The following VPS53 variants were observed in gnomAD, a reference collection of about 807,000 sequenced individuals.
VPS53 encodes vacuolar protein sorting-associated protein 53 homolog.
VPS53 carries 70 observed loss-of-function variants against 107.0 expected under a neutral mutation model. The observed-to-expected ratio is 0.65, with a 90% confidence interval of 0.54 to 0.80. VPS53 has a LOEUF of 0.80. Among genes scored for constraint, VPS53 ranks in the 30% least tolerant of loss-of-function variants. The pLI is 0.00. For synonymous variants in VPS53, 409 were observed against 393.3 expected (o/e 1.04, Z -0.47); for missense variants, 917 against 1,049.4 (o/e 0.87, Z 1.74).
intron 10 of VPS53, among the ~76,000 whole-genome samples, chr17:625,989 T>G (rs1969691920): frequency 6.6e-6 from 1 of 151,894 alleles, no homozygotes; most frequent in Non-Finnish European, 1.5e-5. Context: ...AAATAAAGAA[T>G]AAAAGGAGTT....
intron 17 of VPS53, among the ~76,000 whole-genome samples, chr17:544,136 G>A (rs1315092474): frequency 6.6e-6 from 1 of 152,108 alleles, no homozygotes; most frequent in Non-Finnish European, 1.5e-5. Context: ...TGGGTTGGCT[G>A]TTCAACACAT....
intron 4 of VPS53, among the ~76,000 whole-genome samples, chr17:669,059 A>C (rs1161547877): frequency 6.6e-6 from 1 of 152,174 alleles, no homozygotes; most frequent in African/African-American, 2.4e-5. Context: ...AGAGTTTAAA[A>C]ACTCCTCTGA....
intron 15 of VPS53, 150 bp downstream of exon 15, chr17:560,276 T>C: frequency 1.9e-6 from 2 of 1,056,630 alleles, no homozygotes; most frequent in Non-Finnish European, 1.3e-6. Context: ...GCCTTATGGC[T>C]GGACACTGAG....
chr17:713,948 G>C (rs1462550155), intron 1 of VPS53, among the ~76,000 whole-genome samples: 5 of 149,192 alleles, frequency 3.4e-5, no homozygotes, highest in Non-Finnish European at 7.4e-5. Flanking sequence ...AGGAGGCTGA[G>C]ACAGGAGAAT....
At position 623,809 on chromosome 17, in the gene VPS53, C is replaced by T; in HGVS notation, c.975-135G>A. The T allele has an allele frequency of 3.2e-6, 3 of 938,430 alleles. No homozygotes were observed. The South Asian group carries it at 7.6e-5, about 24-fold the overall frequency. 58.1% of individuals were successfully genotyped at this position (938,430 alleles called of 1,614,324 possible). A position where few individuals can be genotyped will look rare whatever the true frequency, so the allele number is the denominator to read the frequency against. Reference sequence around the variant, plus strand: ...TTTCAAACCCTGAGGTCTGTTACCACCTTAGTCTAAAACCTGGGGAATAGA... The same window carrying T: ...TTTCAAACCCTGAGGTCTGTTACCATCTTAGTCTAAAACCTGGGGAATAGA... On this transcript the variant is annotated intron_variant, in intron 10 of 21. Coordinates refer to ENST00000437048, the MANE Select transcript of VPS53 (RefSeq NM_001128159.3).
chr17:696,887 G>A (rs1233943169), intron 4 of VPS53, among the ~76,000 whole-genome samples: 1 of 150,250 alleles, frequency 6.7e-6, no homozygotes, highest in Non-Finnish European at 1.5e-5. Flanking sequence ...CTGGCTCCTG[G>A]GTTCAAGTGA....
At chr17:708,894 A>C (rs550169796) in intron 2 of VPS53, among the ~76,000 whole-genome samples, 125 of 152,256 alleles carry the variant, frequency 8.2e-4, no homozygotes, top group African/African-American at 2.3e-3. Context: ...TACTTATTTA[A>C]CTATTTTCTT....
intron 13 of VPS53, among the ~76,000 whole-genome samples, chr17:563,555 A>C (rs895658597): frequency 1.3e-5 from 2 of 152,200 alleles, no homozygotes; most frequent in African/African-American, 4.8e-5. Flanking sequence ...TGGCCTCCCA[A>C]AGTGCTGGGA....
intron 7 of VPS53, among the ~76,000 whole-genome samples, chr17:644,200 G>A (rs981404968): frequency 6.6e-6 from 1 of 152,222 alleles, no homozygotes; most frequent in African/African-American, 2.4e-5. Context: ...TGCCAGAAGG[G>A]TAGTTGGAAG....
rs2151779555 is a variant in VPS53 at position 508,980 on chromosome 17, T to G, written c.*10148A>C. Reference sequence around the variant, plus strand: ...TGTATAGAGGGAATCCAATGTAAAATTTTGTCCCATAAATTTGAAAACTGC... The same window carrying G: ...TGTATAGAGGGAATCCAATGTAAAAGTTTGTCCCATAAATTTGAAAACTGC... On this transcript the variant is annotated 3_prime_UTR_variant, in exon 22 of 22. Transcript: ENST00000437048. The G allele has an allele frequency of 6.6e-6, 1 of 152,296 alleles. No homozygotes were observed. Among genetic ancestry groups the G allele is most frequent in the Non-Finnish European group, 1.5e-5 (1 of 68,040 alleles). The allele number at this position is 152,296 out of a possible 1,614,324, so 9.4% of individuals were successfully genotyped here. A position where few individuals can be genotyped will look rare whatever the true frequency, so the allele number is the denominator to read the frequency against.
chr17:551,744 G>T (rs1167004400), intron 17 of VPS53, 128 bp downstream of exon 17: 2 of 719,970 alleles, frequency 2.8e-6, no homozygotes, highest in Non-Finnish European at 4.2e-6. Flanking sequence ...GAACTCCGGG[G>T]CCTCTCCATT....
chr17:658,442 C>T (rs1055256230), intron 5 of VPS53, among the ~76,000 whole-genome samples: 3 of 146,308 alleles, frequency 2.1e-5, no homozygotes, highest in African/African-American at 7.6e-5. Context: ...TGGATAGATA[C>T]ATCCCACTGA....
chr17:659,948 A>G (rs970690434), intron 5 of VPS53, among the ~76,000 whole-genome samples: 6 of 152,170 alleles, frequency 3.9e-5, no homozygotes, highest in Admixed American at 1.3e-4. Context: ...AAAGCCATCA[A>G]TGGCAGGGCA....
rs567925654 is a variant in VPS53 at position 618,305 on chromosome 17, C to A, written c.1116+5228G>T. On this transcript the variant is annotated intron_variant, in intron 11 of 21. Coordinates refer to ENST00000437048, the MANE Select transcript of VPS53 (RefSeq NM_001128159.3). ...AGCTGGGACTACAGGCGTGCGCCAC[C>A]ACGCCCCACTAATATTTCCTGGGTA... Among the ~76,000 whole-genome samples the A allele has an allele frequency of 2.6e-3, 247 of 95,504 alleles. 40 individuals carry two copies. Among genetic ancestry groups the A allele is most frequent in the East Asian group, 0.01 (42 of 4,024 alleles). The allele number at this position is 95,504 out of a possible 152,430, so 62.7% of individuals were successfully genotyped here. A position where few individuals can be genotyped will look rare whatever the true frequency, so the allele number is the denominator to read the frequency against.
intron 11 of VPS53, among the ~76,000 whole-genome samples, chr17:603,708 A>G (rs1233758509): frequency 6.6e-6 from 1 of 152,170 alleles, no homozygotes; most frequent in Non-Finnish European, 1.5e-5. Context: ...TGCACACTCC[A>G]AACTTTGGCT....
Position 653,488 on chromosome 17 carries a change from G to C in VPS53, c.489-78C>G. ...TACAGACACAGAACAACCCACGCTA[G>C]CTCTCAAACAGATATCAACTCAGCT... On this transcript the variant is annotated intron_variant, in intron 6 of 21. Transcript: ENST00000437048. 3 of 1,594,264 alleles carry C rather than the reference G, an allele frequency of 1.9e-6. No homozygotes were observed. The Middle Eastern group carries it at 5.0e-4, about 266-fold the overall frequency.
At chr17:650,620 G>A (rs945791022) in intron 7 of VPS53, among the ~76,000 whole-genome samples, 2 of 152,200 alleles carry the variant, frequency 1.3e-5, no homozygotes, top group African/African-American at 4.8e-5. Flanking sequence ...GTGTTGCTGA[G>A]GGTAAGGGTG....
rs768600660 is a variant in VPS53 at position 601,902 on chromosome 17, A to G, written c.1117-6T>C. 7 of 1,570,580 alleles carry G rather than the reference A, an allele frequency of 4.5e-6. No homozygotes were observed. The South Asian group carries it at 7.0e-5, about 16-fold the overall frequency. ...GGTGGAGACTCAAGCTTTTTCTGTT[A>G]GGTAGATATGAGAAAGAGAAGTGTT... On this transcript the variant is annotated splice_region_variant and splice_polypyrimidine_tract_variant and intron_variant, in intron 11 of 21. Transcript: ENST00000437048.
At chr17:634,729 C>A (rs1970118598) in intron 7 of VPS53, among the ~76,000 whole-genome samples, 2 of 152,066 alleles carry the variant, frequency 1.3e-5, no homozygotes, top group Non-Finnish European at 2.9e-5. Context: ...ATGAACTCAT[C>A]CTTTTTTATG....
Sources: gnomAD v4.1 joint callset for allele counts (sites outside exome capture counted in the v4.1 genomes callset) on GRCh38, gnomAD v4.1.1 for gene constraint, MANE v1.5 for transcripts, NCBI Gene and HGNC (gene_info 2026-07-23, HGNC 2026-07-21) for gene names.